The following NEK1 variants were observed in gnomAD, a reference collection of about 807,000 sequenced individuals.
NEK1 encodes the protein NIMA related kinase 1.
NEK1 carries 137 observed loss-of-function variants against 182.1 expected under a neutral mutation model. That is an observed-to-expected ratio of 0.75 (90% CI 0.65 to 0.87). The LOEUF (loss-of-function observed/expected upper bound fraction) is 0.87. NEK1 is among the 40% of genes least tolerant of loss of function. The probability of loss-of-function intolerance (pLI) is 0.00; values close to 1 mark genes in which losing one functional copy is unlikely to be tolerated. For synonymous variants in NEK1, 513 were observed against 492.2 expected (o/e 1.04, Z -0.56); for missense variants, 1,391 against 1,494.4 (o/e 0.93, Z 1.14).
At position 169,580,685 on chromosome 4, in the gene NEK1, T is replaced by C. The variant is rs568553173; in HGVS notation, c.868+157A>G. Among the ~76,000 whole-genome samples the C allele has an allele frequency of 7.2e-5, 11 of 151,940 alleles. No homozygotes were observed. In the East Asian group the frequency reaches 2.1e-3, roughly 29 times the overall value. ...AATGTTATTAATTTATAAGAAACTG[T>C]ATATTGCCATAAAACATTAATAATT... On this transcript the variant is annotated intron_variant, in intron 11 of 35. Coordinates refer to ENST00000507142, the MANE Select transcript of NEK1 (RefSeq NM_001199397.3).
chr4:169,462,621 GAGAT>G (rs1370174008), intron 27 of NEK1, among the ~76,000 whole-genome samples: 2 of 151,998 alleles, frequency 1.3e-5, no homozygotes, highest in African/African-American at 4.8e-5. Flanking sequence ...AAGAGTGAGA[GAGAT>G]AGAGAAGGAA....
At chr4:169,464,711 A>G (rs974235862) in intron 26 of NEK1, among the ~76,000 whole-genome samples, 1 of 152,188 alleles carries the variant, frequency 6.6e-6, no homozygotes, top group African/African-American at 2.4e-5. Flanking sequence ...GAAGAAACAA[A>G]TTAGTATTTC....
chr4:169,591,119 TTTTAATACATCTTTTTTCTATAACGC>T (rs1768411284), intron 5 of NEK1, among the ~76,000 whole-genome samples: 2 of 152,014 alleles, frequency 1.3e-5, no homozygotes, highest in South Asian at 4.1e-4. Flanking sequence ...TCTTCTTTGT[TTTTAATACATCTTTTTTCTATAACGC>T]CCCCCCCCCA....
At chr4:169,611,100 A>G (rs1293352274) in intron 2 of NEK1, among the ~76,000 whole-genome samples, 1 of 152,258 alleles carries the variant, frequency 6.6e-6, no homozygotes, top group African/African-American at 2.4e-5. Context: ...AAGAATGTAC[A>G]TTCGTGAAAA....
intron 23 of NEK1, among the ~76,000 whole-genome samples, chr4:169,503,538 C>G (rs1752753916): frequency 6.6e-6 from 1 of 152,000 alleles, no homozygotes. Context: ...AACAGTGGAA[C>G]AGAATAGAGA....
intron 18 of NEK1, among the ~76,000 whole-genome samples, chr4:169,548,149 G>C (rs1760831222): frequency 6.6e-6 from 1 of 152,130 alleles, no homozygotes; most frequent in Non-Finnish European, 1.5e-5. Context: ...CCTTCAGATG[G>C]GGTCTCTGAG....
At chr4:169,403,817 T>C (rs1041767011) in intron 32 of NEK1, among the ~76,000 whole-genome samples, 2 of 152,114 alleles carry the variant, frequency 1.3e-5, no homozygotes, top group African/African-American at 2.4e-5. Flanking sequence ...AAAAATTTGG[T>C]CTTGAATTCA....
chr4:169,578,403 T>C (rs1442158485), intron 11 of NEK1, among the ~76,000 whole-genome samples: 2 of 152,198 alleles, frequency 1.3e-5, no homozygotes, highest in East Asian at 1.9e-4. Flanking sequence ...GGATTTTATA[T>C]TGTGCTAAAT....
intron 29 of NEK1, among the ~76,000 whole-genome samples, chr4:169,426,714 T>TG (rs1219042848): frequency 6.6e-6 from 1 of 152,172 alleles, no homozygotes; most frequent in African/African-American, 2.4e-5. Flanking sequence ...ATTAATACCA[T>TG]GGAATATCAT....
In NEK1 at chr4:169,406,688, A is replaced by G; in HGVS notation, c.3282T>C (p.Val1094=). 1 of 1,610,758 alleles carries G rather than the reference A, an allele frequency of 6.2e-7. No individual in the cohort carries two copies. Among genetic ancestry groups the G allele is most frequent in the South Asian group, 1.1e-5 (1 of 90,368 alleles). ...LSKLFRTLMD[V]PTVGDVRQDN... is the part of the protein sequence containing the mutation. ...CTTGACGAACATCTCCTACGGTGGG[A>G]ACATCCATAAGGGTTCTGAACAGCT... is the stretch of plus-strand genomic sequence containing the variant. The change falls in exon 32 of 36, where the codon GTT becomes GTC. Residue 1094 remains valine (V), a synonymous_variant. Coordinates refer to ENST00000507142, the MANE Select transcript of NEK1 (RefSeq NM_001199397.3).
At chr4:169,547,489 C>T (rs1760704372) in intron 18 of NEK1, among the ~76,000 whole-genome samples, 1 of 152,052 alleles carries the variant, frequency 6.6e-6, no homozygotes, top group African/African-American at 2.4e-5. Context: ...TTGTGGTGTT[C>T]TCTATACTTC....
intron 11 of NEK1, among the ~76,000 whole-genome samples, chr4:169,577,471 G>A (rs1268765350): frequency 6.6e-6 from 1 of 152,104 alleles, no homozygotes; most frequent in Non-Finnish European, 1.5e-5. Flanking sequence ...TATCAATAGA[G>A]CTGTTAAAAA....
At chr4:169,462,286 C>T (rs948244065) in intron 27 of NEK1, among the ~76,000 whole-genome samples, 16 of 152,002 alleles carry the variant, frequency 1.1e-4, no homozygotes, top group African/African-American at 3.6e-4. Flanking sequence ...GAAAAAGTTA[C>T]TAGTATTTTT....
At chr4:169,566,953 G>C (rs1055125686) in intron 12 of NEK1, among the ~76,000 whole-genome samples, 2 of 151,954 alleles carry the variant, frequency 1.3e-5, no homozygotes, top group Admixed American at 1.3e-4. Flanking sequence ...AAAATAGCTG[G>C]GTGTGGTAGT....
At chr4:169,425,378 C>T (rs1013149270) in intron 30 of NEK1, among the ~76,000 whole-genome samples, 3 of 151,184 alleles carry the variant, frequency 2.0e-5, no homozygotes, top group South Asian at 2.1e-4. Context: ...GTTATCATCG[C>T]GCCACTGCAC....
At chr4:169,528,004 G>C (rs1303243087) in intron 19 of NEK1, among the ~76,000 whole-genome samples, 1 of 151,978 alleles carries the variant, frequency 6.6e-6, no homozygotes. Flanking sequence ...CACACAAACA[G>C]TACACGACAG....
At chr4:169,438,037 T>C (rs968484259) in intron 28 of NEK1, 46 bp downstream of exon 28, 1 of 1,450,004 alleles carries the variant, frequency 6.9e-7, no homozygotes, top group Admixed American at 2.2e-5. Flanking sequence ...GAAATTTAAG[T>C]TTTTACTAAA....
At chr4:169,401,931 C>T in intron 32 of NEK1, 71 bp from the exon 33 acceptor site, 1 of 1,298,476 alleles carries the variant, frequency 7.7e-7, no homozygotes, top group East Asian at 2.4e-5. Flanking sequence ...ACTAAAACTA[C>T]CTCATACTGA....
At chr4:169,597,481 A>T (rs958560930) in intron 5 of NEK1, among the ~76,000 whole-genome samples, 1 of 152,114 alleles carries the variant, frequency 6.6e-6, no homozygotes, top group Admixed American at 6.5e-5. Flanking sequence ...ATAAATTTTT[A>T]AAAAATTAGC....
Sources: gnomAD v4.1 joint callset for allele counts (sites outside exome capture counted in the v4.1 genomes callset) on GRCh38, gnomAD v4.1.1 for gene constraint, MANE v1.5 for transcripts, NCBI Gene and HGNC (gene_info 2026-07-23, HGNC 2026-07-21) for gene names.